The following PDE3B variants were observed in gnomAD, a reference collection of about 807,000 sequenced individuals.
PDE3B encodes the protein phosphodiesterase 3B, also known as cGMP-inhibited 3',5'-cyclic phosphodiesterase 3B.
In PDE3B, 66 loss-of-function variants were observed where a neutral mutation model predicts 116.8. That is an observed-to-expected ratio of 0.56 (90% confidence interval 0.46 to 0.69). The LOEUF (loss-of-function observed/expected upper bound fraction) is 0.69. Among genes scored for constraint, PDE3B ranks in the 30% least tolerant of loss-of-function variants. The pLI is 0.00. For synonymous variants in PDE3B, 595 were observed against 533.6 expected (o/e 1.12, Z -1.59); for missense variants, 1,384 against 1,368.1 (o/e 1.01, Z -0.18).
intron 5 of PDE3B, among the ~76,000 whole-genome samples, chr11:14,810,493 G>T (rs2133941724): frequency 6.6e-6 from 1 of 152,156 alleles, no homozygotes; most frequent in East Asian, 1.9e-4. Context: ...CAAAGGACAT[G>T]AACTCATCCT....
At chr11:14,810,093 AT>A (rs1271788137) in intron 5 of PDE3B, among the ~76,000 whole-genome samples, 2 of 152,210 alleles carry the variant, frequency 1.3e-5, no homozygotes, top group Non-Finnish European at 2.9e-5. Context: ...ATAAAAGCAT[AT>A]AAGATTCAGA....
At chr11:14,708,180 CTTG>C (rs1020693513) in intron 1 of PDE3B, among the ~76,000 whole-genome samples, 2 of 151,910 alleles carry the variant, frequency 1.3e-5, no homozygotes, top group Non-Finnish European at 2.9e-5. Context: ...CCTGGAGGAG[CTTG>C]TTGTTAAAAA....
At chr11:14,726,724 G>T (rs1856315830) in intron 1 of PDE3B, among the ~76,000 whole-genome samples, 1 of 152,162 alleles carries the variant, frequency 6.6e-6, no homozygotes, top group African/African-American at 2.4e-5. Flanking sequence ...GGATTAAGAT[G>T]TGTTTGTAAA....
intron 10 of PDE3B, among the ~76,000 whole-genome samples, chr11:14,834,759 C>T (rs1860000849): frequency 6.6e-6 from 1 of 152,148 alleles, no homozygotes; most frequent in Non-Finnish European, 1.5e-5. Context: ...CTTGGTTATC[C>T]TGCCTTTTCT....
chr11:14,648,897 A>G (rs956628864), intron 1 of PDE3B, among the ~76,000 whole-genome samples: 4 of 152,040 alleles, frequency 2.6e-5, no homozygotes, highest in African/African-American at 9.7e-5. Flanking sequence ...ACTTGTTGAA[A>G]TCTCCTTTAA....
At chr11:14,862,157 T>C (rs1479108629) in intron 14 of PDE3B, among the ~76,000 whole-genome samples, 2 of 152,200 alleles carry the variant, frequency 1.3e-5, no homozygotes, top group African/African-American at 4.8e-5. Context: ...GGTGACTGCC[T>C]TTCCCTGGTG....
Position 14,786,705 on chromosome 11 carries a change from C to G in PDE3B, c.1278+20C>G. 1 of 1,570,046 alleles carries G rather than the reference C, an allele frequency of 6.4e-7. No homozygotes were observed. ...AACAAGGTCGAAATACAGTAATCAT[C>G]TAACCCTATTTATCAAATTTAATGA... is the stretch of plus-strand genomic sequence containing the variant. On this transcript the variant is annotated intron_variant, in intron 3 of 15. Transcript: ENST00000282096.
intron 1 of PDE3B, among the ~76,000 whole-genome samples, chr11:14,714,172 A>G (rs947590491): frequency 1.3e-5 from 2 of 152,024 alleles, no homozygotes; most frequent in South Asian, 2.1e-4. Flanking sequence ...TCATTACTCT[A>G]TCATGCTCCA....
chr11:14,833,420 A>G (rs1859960026), intron 10 of PDE3B, among the ~76,000 whole-genome samples: 1 of 152,170 alleles, frequency 6.6e-6, no homozygotes, highest in Admixed American at 6.5e-5. Flanking sequence ...ATATTGATAC[A>G]TATTTATGAT....
intron 1 of PDE3B, among the ~76,000 whole-genome samples, chr11:14,695,572 G>A (rs1261116866): frequency 6.6e-6 from 1 of 151,846 alleles, no homozygotes; most frequent in Non-Finnish European, 1.5e-5. Context: ...AGGTTACATA[G>A]ATAAACATGT....
At chr11:14,708,237 T>G (rs557494568) in intron 1 of PDE3B, among the ~76,000 whole-genome samples, 140 of 152,184 alleles carry the variant, frequency 9.2e-4, no homozygotes, top group Admixed American at 1.9e-3. Flanking sequence ...TCTTTTTTTG[T>G]CATGTGGTCT....
At chr11:14,842,834 A>G (rs1847502988) in intron 11 of PDE3B, among the ~76,000 whole-genome samples, 1 of 152,238 alleles carries the variant, frequency 6.6e-6, no homozygotes, top group South Asian at 2.1e-4. Flanking sequence ...AATAGCATGA[A>G]AATAATGAGA....
chr11:14,739,886 C>T (rs1290929379), intron 1 of PDE3B, among the ~76,000 whole-genome samples: 2 of 152,040 alleles, frequency 1.3e-5, no homozygotes, highest in African/African-American at 2.4e-5. Context: ...ATTGGTTCTG[C>T]TTATGTGATG....
At chr11:14,843,602 C>T (rs557268805) in intron 11 of PDE3B, among the ~76,000 whole-genome samples, 3 of 152,248 alleles carry the variant, frequency 2.0e-5, no homozygotes, top group South Asian at 2.1e-4. Context: ...AATCCTATCA[C>T]GTCTTGTAAA....
chr11:14,645,116 C>CGAGTT, intron 1 of PDE3B, 63 bp downstream of exon 1: 1 of 1,278,038 alleles, frequency 7.8e-7, no homozygotes, highest in Non-Finnish European at 1.0e-6. Flanking sequence ...CTGCAGTTTC[C>CGAGTT]GAGTTGAATT....
intron 1 of PDE3B, among the ~76,000 whole-genome samples, chr11:14,723,387 A>C (rs11023314): frequency 6.6e-6 from 1 of 152,132 alleles, no homozygotes; most frequent in Non-Finnish European, 1.5e-5. Flanking sequence ...GTACATAGAC[A>C]TTAATACAAT....
intron 7 of PDE3B, among the ~76,000 whole-genome samples, chr11:14,824,560 C>G (rs547823195): frequency 6.6e-6 from 1 of 152,034 alleles, no homozygotes; most frequent in Non-Finnish European, 1.5e-5. Flanking sequence ...GACTGACTCT[C>G]TGAAATAAGA....
At chr11:14,697,797 T>C (rs1200414155) in intron 1 of PDE3B, among the ~76,000 whole-genome samples, 1 of 152,120 alleles carries the variant, frequency 6.6e-6, no homozygotes, top group Non-Finnish European at 1.5e-5. Flanking sequence ...TATTCATTGG[T>C]ATTTTATTTT....
At chr11:14,645,989 T>G (rs1393433714) in intron 1 of PDE3B, among the ~76,000 whole-genome samples, 3 of 152,222 alleles carry the variant, frequency 2.0e-5, no homozygotes, top group African/African-American at 7.2e-5. Context: ...ATGAGAAATC[T>G]AGGCATATAG....
Sources: allele counts gnomAD v4.1 joint callset (sites outside exome capture counted in the v4.1 genomes callset), GRCh38; gene constraint gnomAD v4.1.1; transcripts MANE v1.5; gene names NCBI Gene and HGNC (gene_info 2026-07-23, HGNC 2026-07-21).